Variants in PIP5K1B observed in about 807,000 individuals in gnomAD.
The protein encoded by PIP5K1B is phosphatidylinositol 4-phosphate 5-kinase type-1 beta.
PIP5K1B carries 42 observed loss-of-function variants against 67.0 expected under a neutral mutation model. The ratio of observed to expected loss-of-function variants is 0.63; its 90% CI spans 0.49 to 0.81. The LOEUF (loss-of-function observed/expected upper bound fraction) is 0.81. Among genes scored for constraint, PIP5K1B ranks in the 30% least tolerant of loss-of-function variants. The pLI is 0.00. For missense variants in PIP5K1B, 459 were observed against 646.3 expected (o/e 0.71, Z 3.14); for synonymous variants, 214 against 231.4 (o/e 0.92, Z 0.68).
At chr9:68,907,625 A>G (rs913566888) in intron 8 of PIP5K1B, among the ~76,000 whole-genome samples, 3 of 152,076 alleles carry the variant, frequency 2.0e-5, no homozygotes, top group African/African-American at 7.2e-5. Context: ...TTCCTGCTCT[A>G]TGAAAGCTTC....
At chr9:68,788,712 A>G (rs962594830) in intron 2 of PIP5K1B, 3 of 264,486 alleles carry the variant, frequency 1.1e-5, no homozygotes, top group African/African-American at 4.6e-5. Context: ...GCTCACGTTT[A>G]GGACCCCTTT....
At chr9:68,981,934 C>T (rs1055772660) in intron 14 of PIP5K1B, among the ~76,000 whole-genome samples, 1 of 152,034 alleles carries the variant, frequency 6.6e-6, no homozygotes, top group African/African-American at 2.4e-5. Context: ...ATGACTTGTT[C>T]GGAGAGCAGA....
intron 14 of PIP5K1B, among the ~76,000 whole-genome samples, chr9:68,945,452 C>T (rs1827757630): frequency 1.3e-5 from 2 of 152,180 alleles, no homozygotes; most frequent in Non-Finnish European, 2.9e-5. Flanking sequence ...AGCCAATGGG[C>T]TTACGTTAAT....
At chr9:68,958,337 C>G (rs2132727126) in intron 14 of PIP5K1B, among the ~76,000 whole-genome samples, 1 of 152,254 alleles carries the variant, frequency 6.6e-6, no homozygotes, top group Middle Eastern at 3.4e-3. Flanking sequence ...GTGCCAAACA[C>G]AGACTGTAAG....
intron 12 of PIP5K1B, among the ~76,000 whole-genome samples, chr9:68,929,784 C>T (rs1200956773): frequency 6.6e-6 from 1 of 152,194 alleles, no homozygotes; most frequent in Non-Finnish European, 1.5e-5. Context: ...ATTCTCCTGC[C>T]TCAGCCTCCA....
intron 14 of PIP5K1B, 63 bp from the exon 15 acceptor site, chr9:68,991,077 T>C: frequency 1.1e-6 from 1 of 919,514 alleles, no homozygotes; most frequent in Admixed American, 1.7e-5. Flanking sequence ...TTTAGGACTT[T>C]GGAGGTGTCT....
At chr9:68,990,864 A>G (rs954555944) in intron 14 of PIP5K1B, among the ~76,000 whole-genome samples, 2 of 151,866 alleles carry the variant, frequency 1.3e-5, no homozygotes, top group African/African-American at 2.4e-5. Flanking sequence ...GGGTTTCACC[A>G]TGTTGGCCAG....
chr9:68,837,558 C>T (rs2132135715), intron 4 of PIP5K1B, among the ~76,000 whole-genome samples: 2 of 148,226 alleles, frequency 1.3e-5, no homozygotes, highest in Middle Eastern at 7.2e-3. Context: ...ATTTTTGTTG[C>T]AGATGCTTTT....
At chr9:68,903,111 T>G (rs7042283) in intron 8 of PIP5K1B, among the ~76,000 whole-genome samples, 22,112 of 152,198 alleles carry the variant, frequency 0.15, 1,741 homozygotes, top group African/African-American at 0.2. Flanking sequence ...ATATTGTAAT[T>G]ACTTGATTAC....
chr9:68,788,514 G>GTAAAAAAT (rs1831766011), intron 2 of PIP5K1B: 2 of 329,708 alleles, frequency 6.1e-6, no homozygotes, highest in South Asian at 6.0e-5. Flanking sequence ...TTAGTAATAG[G>GTAAAAAAT]TAAAAAATTA....
intron 4 of PIP5K1B, among the ~76,000 whole-genome samples, chr9:68,830,297 C>T (rs970545820): frequency 1.3e-5 from 2 of 152,162 alleles, no homozygotes; most frequent in African/African-American, 4.8e-5. Context: ...GATCACCCCT[C>T]CAAACACTTG....
chr9:68,976,130 C>T (rs1829621273), intron 14 of PIP5K1B, among the ~76,000 whole-genome samples: 1 of 152,154 alleles, frequency 6.6e-6, no homozygotes, highest in Non-Finnish European at 1.5e-5. Context: ...GAGTATCTGG[C>T]AGCAAACCAC....
At chr9:68,745,940 T>C (rs1281157354) in intron 2 of PIP5K1B, among the ~76,000 whole-genome samples, 1 of 152,206 alleles carries the variant, frequency 6.6e-6, no homozygotes, top group African/African-American at 2.4e-5. Flanking sequence ...TAAAGGAAAA[T>C]TCATGTCTGT....
intron 4 of PIP5K1B, among the ~76,000 whole-genome samples, chr9:68,859,249 T>C (rs1822934941): frequency 6.6e-6 from 1 of 152,204 alleles, no homozygotes; most frequent in African/African-American, 2.4e-5. Context: ...ATTACCCAAA[T>C]GCAAGCTGAT....
rs1587605214 is a variant in PIP5K1B, at chr9:68,879,323, C to G, written c.318+2529C>G. ...TGGCTCATGCCTGTAATCCCAGCAC[C>G]TCAGGAGGCCGAGGTGGGAAGATCA... On this transcript the variant is annotated intron_variant, in intron 6 of 15. Transcript: ENST00000265382. Among the ~76,000 whole-genome samples, 4 of 152,190 alleles carry G rather than the reference C, an allele frequency of 2.6e-5. No homozygotes were observed. The South Asian group carries it at 8.3e-4, about 32-fold the overall frequency.
At chr9:68,843,148 G>A (rs1822003268) in intron 4 of PIP5K1B, 1 of 152,166 alleles carries the variant, frequency 6.6e-6, no homozygotes, top group Non-Finnish European at 1.5e-5. Flanking sequence ...TGAATACAAA[G>A]AACTAAGGAG....
At chr9:68,824,968 A>G (rs932524190) in intron 4 of PIP5K1B, among the ~76,000 whole-genome samples, 1 of 152,228 alleles carries the variant, frequency 6.6e-6, no homozygotes, top group Non-Finnish European at 1.5e-5. Flanking sequence ...ACAGGACATA[A>G]GCAAATATTA....
intron 15 of PIP5K1B, among the ~76,000 whole-genome samples, chr9:69,005,059 T>A (rs1290647904): frequency 6.6e-6 from 1 of 152,052 alleles, no homozygotes; most frequent in African/African-American, 2.4e-5. Context: ...TCTTGAGCCC[T>A]GAGGGTGAGA....
chr9:68,764,083 T>C (rs908052341), intron 2 of PIP5K1B, among the ~76,000 whole-genome samples: 5 of 147,914 alleles, frequency 3.4e-5, no homozygotes, highest in African/African-American at 1.2e-4. Flanking sequence ...TCTTTTTTTT[T>C]TTTTTTTTTT....
Sources: gnomAD v4.1 joint callset for allele counts (sites outside exome capture counted in the v4.1 genomes callset) on GRCh38, gnomAD v4.1.1 for gene constraint, MANE v1.5 for transcripts, NCBI Gene and HGNC (gene_info 2026-07-23, HGNC 2026-07-21) for gene names.